Variants in MEMO1 observed in about 807,000 individuals in gnomAD.
MEMO1 encodes the protein mediator of cell motility 1.
A neutral mutation model predicts 45.2 loss-of-function variants in MEMO1; 6 were observed. The observed-to-expected ratio is 0.13, with a 90% CI of 0.07 to 0.26. The LOEUF (loss-of-function observed/expected upper bound fraction) is 0.26, where lower values mean the gene tolerates loss of function less well. Ranked by LOEUF, MEMO1 falls within the 10% of genes least tolerant of loss-of-function variation. MEMO1 has a pLI of 1.00. For missense variants in MEMO1, 184 were observed against 370.5 expected, an observed-to-expected ratio of 0.50 and a Z score of 4.13; for synonymous variants, 78 against 124.3, an observed-to-expected ratio of 0.63 and a Z score of 2.48.
At chr2:31,887,681 A>G (rs557417878) in intron 7 of MEMO1, among the ~76,000 whole-genome samples, 3 of 152,188 alleles carry the variant, frequency 2.0e-5, no homozygotes, top group Non-Finnish European at 2.9e-5. Context: ...GTGCTAATGT[A>G]TAAGTATTAG....
intron 4 of MEMO1, among the ~76,000 whole-genome samples, chr2:31,925,146 G>A (rs2148203696): frequency 6.6e-6 from 1 of 152,186 alleles, no homozygotes. Context: ...TTTCACCCAT[G>A]CTATTGTTCC....
intron 2 of MEMO1, among the ~76,000 whole-genome samples, chr2:31,959,144 G>A (rs1187122240): frequency 6.6e-6 from 1 of 152,196 alleles, no homozygotes; most frequent in African/African-American, 2.4e-5. Context: ...AGTTATAGGA[G>A]ACAACAAGGC....
chr2:32,002,204 T>G (rs188332890), intron 2 of MEMO1, among the ~76,000 whole-genome samples: 3 of 124,604 alleles, frequency 2.4e-5, no homozygotes, highest in Non-Finnish European at 3.3e-5. Context: ...CACACACACA[T>G]GTATATACGT....
chr2:31,914,234 C>T (rs1439282690), intron 6 of MEMO1, among the ~76,000 whole-genome samples: 2 of 152,096 alleles, frequency 1.3e-5, no homozygotes, highest in Non-Finnish European at 2.9e-5. Context: ...ACTGACCCTA[C>T]CAAATTTCCA....
At chr2:32,000,790 A>ATTTT in intron 2 of MEMO1, among the ~76,000 whole-genome samples, 1 of 145,682 alleles carries the variant, frequency 6.9e-6, no homozygotes, top group African/African-American at 2.5e-5. Context: ...CATACCACAT[A>ATTTT]TTTTTTTTTT....
chr2:31,998,957 C>T lies in MEMO1; in HGVS notation c.61+11230G>A, dbSNP rs377073509. ...AACAAAATTGAGCTCCTAACCTTCC[C>T]CCGCCAAACTTGTTCCTCTTAGATC... On this transcript the variant is annotated intron_variant, in intron 2 of 9. Transcript: ENST00000404530. Among the ~76,000 whole-genome samples, 5 of 152,264 alleles carry T rather than the reference C, an allele frequency of 3.3e-5. No homozygotes were observed. In the East Asian group the frequency reaches 7.7e-4, roughly 23 times the overall value.
intron 2 of MEMO1, among the ~76,000 whole-genome samples, chr2:31,970,799 T>G (rs1669300250): frequency 6.6e-6 from 1 of 151,438 alleles, no homozygotes; most frequent in South Asian, 2.1e-4. Flanking sequence ...AGGTCAGGAG[T>G]TTGAGACCAG....
At chr2:31,873,473 T>C (rs1674089565) in intron 8 of MEMO1, among the ~76,000 whole-genome samples, 1 of 152,088 alleles carries the variant, frequency 6.6e-6, no homozygotes, top group Non-Finnish European at 1.5e-5. Context: ...CCAAACTAAA[T>C]AGGCAGTATT....
At chr2:31,930,603 T>C (rs1286911525) in intron 4 of MEMO1, among the ~76,000 whole-genome samples, 1 of 152,068 alleles carries the variant, frequency 6.6e-6, no homozygotes, top group African/African-American at 2.4e-5. Flanking sequence ...ACTTTTATTA[T>C]AGCTGGTTTA....
intron 2 of MEMO1, among the ~76,000 whole-genome samples, chr2:31,957,319 T>C (rs1419416247): frequency 6.6e-6 from 1 of 152,146 alleles, no homozygotes; most frequent in Non-Finnish European, 1.5e-5. Flanking sequence ...TATAACAGAA[T>C]ACTATGAAGT....
chr2:32,004,114 G>T (rs909739576), intron 2 of MEMO1, among the ~76,000 whole-genome samples: 3 of 152,192 alleles, frequency 2.0e-5, no homozygotes. Context: ...CCAAGAGTTA[G>T]AGGCTGCAGT....
chr2:31,947,660 C>T (rs2148342150), intron 2 of MEMO1, among the ~76,000 whole-genome samples: 1 of 152,200 alleles, frequency 6.6e-6, no homozygotes, highest in South Asian at 2.1e-4. Flanking sequence ...AAAGTAGGTT[C>T]CCAAAGAATT....
chr2:31,880,322 AAGGT>A (rs1347746702), intron 8 of MEMO1, among the ~76,000 whole-genome samples: 1 of 152,232 alleles, frequency 6.6e-6, no homozygotes. Flanking sequence ...AGCCAAAAAG[AAGGT>A]AATACATTAA....
At chr2:31,870,527 T>G (rs965397397) in intron 8 of MEMO1, among the ~76,000 whole-genome samples, 1 of 151,950 alleles carries the variant, frequency 6.6e-6, no homozygotes, top group Non-Finnish European at 1.5e-5. Context: ...AAGAAAAAAG[T>G]TAACATATTT....
intron 2 of MEMO1, among the ~76,000 whole-genome samples, chr2:32,004,582 T>C (rs1673809550): frequency 6.6e-6 from 1 of 152,206 alleles, no homozygotes; most frequent in South Asian, 2.1e-4. Flanking sequence ...GGTGGGAGTG[T>C]AAATTTGTAA....
At chr2:31,936,422 T>C (rs1664926838) in intron 3 of MEMO1, among the ~76,000 whole-genome samples, 1 of 152,218 alleles carries the variant, frequency 6.6e-6, no homozygotes, top group Non-Finnish European at 1.5e-5. Context: ...AAACCTTGCC[T>C]CTAAAAATTG....
chr2:31,918,799 T>G (rs1334085478), intron 5 of MEMO1, among the ~76,000 whole-genome samples: 1 of 152,180 alleles, frequency 6.6e-6, no homozygotes, highest in Non-Finnish European at 1.5e-5. Context: ...ATTTTATAAT[T>G]AGATCCTTAA....
intron 5 of MEMO1, among the ~76,000 whole-genome samples, chr2:31,919,554 C>T (rs1267698547): frequency 2.6e-5 from 4 of 152,084 alleles, no homozygotes; most frequent in Non-Finnish European, 5.9e-5. Context: ...TACAGTGGCT[C>T]ACACTGATAA....
chr2:31,883,520 A>G, intron 7 of MEMO1, 58 bp from the exon 8 acceptor site: 1 of 1,249,118 alleles, frequency 8.0e-7, no homozygotes, highest in Non-Finnish European at 1.1e-6. Flanking sequence ...CTAAAAAGAA[A>G]GCAAGCGCTT....
Sources: gnomAD v4.1 joint callset for allele counts (sites outside exome capture counted in the v4.1 genomes callset) on GRCh38, gnomAD v4.1.1 for gene constraint, MANE v1.5 for transcripts, NCBI Gene and HGNC (gene_info 2026-07-23, HGNC 2026-07-21) for gene names.